DSE: variants seen among roughly 807,000 people sequenced by gnomAD.
DSE encodes dermatan sulfate epimerase, also known as dermatan-sulfate epimerase.
In DSE, 36 loss-of-function variants were observed where a neutral mutation model predicts 84.4. The observed-to-expected ratio is 0.43, with a 90% confidence interval of 0.33 to 0.56. DSE has a LOEUF of 0.56. Ranked by LOEUF, DSE falls within the 20% of genes least tolerant of loss-of-function variation. DSE has a pLI of 0.06. For missense variants in DSE, 862 were observed against 1,169.6 expected (o/e 0.74, Z 3.84); for synonymous variants, 410 against 430.1 (o/e 0.95, Z 0.58).
intron 2 of DSE, among the ~76,000 whole-genome samples, chr6:116,346,472 A>G (rs1440949882): frequency 3.3e-5 from 5 of 152,226 alleles, no homozygotes; most frequent in African/African-American, 1.2e-4. Context: ...AACATACACA[A>G]ATCAATAAAC....
At chr6:116,272,046 A>G (rs1211943121) in intron 2 of DSE, among the ~76,000 whole-genome samples, 2 of 152,200 alleles carry the variant, frequency 1.3e-5, no homozygotes, top group Non-Finnish European at 2.9e-5. Flanking sequence ...ATGCTAGTGA[A>G]TTTCATATAC....
chr6:116,444,162 T>C lies in DSE; in HGVS notation c.*6817T>C, dbSNP rs1392959486. 1 of 152,234 alleles carries C rather than the reference T, an allele frequency of 6.6e-6. No homozygotes were observed. The highest frequency in any genetic ancestry group is 1.5e-5 in the Non-Finnish European group (1 of 68,034). 9.4% of individuals were successfully genotyped at this position (152,234 alleles called of 1,614,324 possible). A position where few individuals can be genotyped will look rare whatever the true frequency, so the allele number is the denominator to read the frequency against. On this transcript the variant is annotated 3_prime_UTR_variant, in exon 6 of 6. Coordinates refer to ENST00000644252, the MANE Select transcript of DSE (RefSeq NM_013352.4). ...ATATTCAAACCTCCGTATTTTTTGA[T>C]ACAAAAAGGACTGATGAAAGGGAGA...
At chr6:116,350,108 G>A (rs1420450870) in intron 2 of DSE, among the ~76,000 whole-genome samples, 1 of 152,148 alleles carries the variant, frequency 6.6e-6, no homozygotes. Context: ...AGGCTAATTA[G>A]CTCAAATCCA....
At chr6:116,357,256 G>A (rs1269838707) in intron 2 of DSE, among the ~76,000 whole-genome samples, 1 of 152,148 alleles carries the variant, frequency 6.6e-6, no homozygotes, top group Non-Finnish European at 1.5e-5. Flanking sequence ...TTATCAGCCG[G>A]GCACGGTGGC....
chr6:116,417,898 T>G (rs13206861), intron 2 of DSE, among the ~76,000 whole-genome samples: 30,376 of 152,068 alleles, frequency 0.2, 4,109 homozygotes, highest in Middle Eastern at 0.32. Context: ...GTGGCAAGGA[T>G]AAGTTTTAAT....
chr6:116,305,194 A>G (rs1372820710), intron 2 of DSE, among the ~76,000 whole-genome samples: 1 of 151,642 alleles, frequency 6.6e-6, no homozygotes, highest in East Asian at 1.9e-4. Context: ...TCTCCCACAT[A>G]AGTGTCCTCC....
chr6:116,392,522 C>T (rs1036816038), intron 1 of DSE, among the ~76,000 whole-genome samples: 2 of 152,086 alleles, frequency 1.3e-5, no homozygotes, highest in African/African-American at 2.4e-5. Context: ...CTGAGCTTGG[C>T]GGGTGTGGTG....
chr6:116,336,766 AAAAAAG>A (rs1777280282), intron 2 of DSE, among the ~76,000 whole-genome samples: 1 of 152,148 alleles, frequency 6.6e-6, no homozygotes, highest in African/African-American at 2.4e-5. Flanking sequence ...AAAAAAAAAA[AAAAAAG>A]GTAACATCAA....
chr6:116,280,899 G>A (rs1280549700), intron 2 of DSE, among the ~76,000 whole-genome samples: 2 of 152,210 alleles, frequency 1.3e-5, no homozygotes, highest in Non-Finnish European at 2.9e-5. Context: ...TGGACTCAAG[G>A]TATAAAAGAG....
At chr6:116,278,971 G>A in intron 2 of DSE, 1 of 1,614,074 alleles carries the variant, frequency 6.2e-7, no homozygotes, top group Non-Finnish European at 8.5e-7. Flanking sequence ...GGACAACTGG[G>A]GGTGGTTTCG....
chr6:116,295,157 G>C (rs925749318), intron 2 of DSE, among the ~76,000 whole-genome samples: 2 of 152,118 alleles, frequency 1.3e-5, no homozygotes, highest in Admixed American at 6.6e-5. Context: ...GAGCTTCCTA[G>C]AAGAAGAAAG....
chr6:116,337,630 TAAATA>T (rs1489542814), intron 2 of DSE, among the ~76,000 whole-genome samples: 3 of 151,960 alleles, frequency 2.0e-5, no homozygotes, highest in South Asian at 2.1e-4. Flanking sequence ...AATAAATGAA[TAAATA>T]AAATAAAACT....
intron 2 of DSE, among the ~76,000 whole-genome samples, chr6:116,314,806 A>G (rs1279395962): frequency 6.6e-6 from 1 of 152,194 alleles, no homozygotes. Flanking sequence ...ACATTCTAGA[A>G]AGGTGTTTAA....
chr6:116,279,085 GC>G, intron 2 of DSE: 1 of 1,613,632 alleles, frequency 6.2e-7, no homozygotes, highest in Non-Finnish European at 8.5e-7. Flanking sequence ...CTGTTGGAAG[GC>G]CCTGTCGGCC....
chr6:116,444,369 A>G lies in DSE; in HGVS notation c.*7024A>G, dbSNP rs144399824. On this transcript the variant is annotated 3_prime_UTR_variant, in exon 6 of 6. Coordinates refer to ENST00000644252, the MANE Select transcript of DSE (RefSeq NM_013352.4). ...AGGGATTGTGTCTCTTGCTCGTTGT[A>G]TATACATGGTTCTTACACAGTGCCT... 5.3e-5 allele frequency: 8 copies of G among 152,312 alleles called. No homozygotes were observed. In the East Asian group the frequency reaches 1.5e-3, roughly 29 times the overall value. The allele number at this position is 152,312 out of a possible 1,614,324, so 9.4% of individuals were successfully genotyped here.
intron 1 of DSE, among the ~76,000 whole-genome samples, chr6:116,372,691 A>G (rs961388062): frequency 7.9e-5 from 12 of 152,186 alleles, no homozygotes; most frequent in Non-Finnish European, 1.2e-4. Context: ...TTTCTGAAGT[A>G]TGTAGGTAAG....
chr6:116,426,647 T>C lies in DSE; in HGVS notation c.490T>C (p.Phe164Leu). The change falls in exon 3 of 6, where the codon TTC becomes CTC. Residue 164 changes from phenylalanine (F) to leucine (L), a missense_variant. Phe to Leu is a conservative substitution (Grantham distance 22). Around this residue, in one of 4 missense-constraint regions of DSE, gnomAD observed 309 missense variants for 516.9 expected, o/e 0.60. Transcript: ENST00000644252. ...SLVGFATAYDFLYNYLSKTQQ... is the reference protein window; with the variant it reads ...SLVGFATAYDLLYNYLSKTQQ... ...GGTTGGTTTTGCCACTGCTTATGAC[T>C]TCTTGTACAACTACCTGAGCAAGAC... is the stretch of plus-strand genomic sequence containing the variant. The C allele has an allele frequency of 3.7e-6, 6 of 1,614,112 alleles. No homozygotes were observed. Among genetic ancestry groups the C allele is most frequent in the Non-Finnish European group, 5.1e-6 (6 of 1,179,954 alleles).
intron 2 of DSE, among the ~76,000 whole-genome samples, chr6:116,323,657 T>C (rs1029857991): frequency 6.6e-6 from 1 of 152,234 alleles, no homozygotes; most frequent in Admixed American, 6.5e-5. Flanking sequence ...AACACAAAGA[T>C]TTTTAAATAT....
chr6:116,281,142 A>G (rs938793252), intron 2 of DSE, among the ~76,000 whole-genome samples: 1 of 152,158 alleles, frequency 6.6e-6, no homozygotes, highest in Non-Finnish European at 1.5e-5. Flanking sequence ...GAAAGCACAG[A>G]GAGAGGGAAG....
Sources: allele counts gnomAD v4.1 joint callset (sites outside exome capture counted in the v4.1 genomes callset), GRCh38; gene constraint gnomAD v4.1.1; regional missense constraint gnomAD v4.1.1; transcripts MANE v1.5; gene names NCBI Gene and HGNC (gene_info 2026-07-23, HGNC 2026-07-21).